Variants in NAV2 observed in about 807,000 individuals in gnomAD.
The protein encoded by NAV2 is neuron navigator 2.
In NAV2, 54 loss-of-function variants were observed where a neutral mutation model predicts 223.2. That is an observed-to-expected ratio of 0.24 (90% CI 0.19 to 0.30). The LOEUF (loss-of-function observed/expected upper bound fraction) is 0.30, where lower values mean the gene tolerates loss of function less well. Among genes scored for constraint, NAV2 ranks in the 10% least tolerant of loss-of-function variants. The probability of loss-of-function intolerance (pLI) is 1.00; values close to 1 mark genes in which losing one functional copy is unlikely to be tolerated. For missense variants in NAV2, 2,806 were observed against 3,147.5 expected, an observed-to-expected ratio of 0.89 and a Z score of 2.60; for synonymous variants, 1,279 against 1,239.3, an observed-to-expected ratio of 1.03 and a Z score of -0.67.
At chr11:19,528,074 C>A (rs2043901679) in intron 1 of NAV2, among the ~76,000 whole-genome samples, 1 of 152,188 alleles carries the variant, frequency 6.6e-6, no homozygotes, top group Non-Finnish European at 1.5e-5. Flanking sequence ...ACGTTCCCTG[C>A]TGTGTGGTAC....
At chr11:19,803,785 GTTC>G (rs1467041607) in intron 1 of NAV2, among the ~76,000 whole-genome samples, 16 of 152,330 alleles carry the variant, frequency 1.1e-4, no homozygotes, top group African/African-American at 3.8e-4. Context: ...AGCAGAACCA[GTTC>G]TTCTACCTGA....
intron 19 of NAV2, among the ~76,000 whole-genome samples, chr11:20,060,398 C>G (rs567291397): frequency 1.3e-4 from 20 of 152,360 alleles, no homozygotes; most frequent in African/African-American, 4.6e-4. Context: ...TTAAAGGCCT[C>G]TGTTAATGTG....
At position 20,090,946 on chromosome 11, in the gene NAV2, G is replaced by C. The variant is rs1837971; in HGVS notation, c.5580G>C (p.Thr1860=). The C allele has an allele frequency of 6.2e-7, 1 of 1,613,660 alleles. No individual in the cohort carries two copies. Among genetic ancestry groups the C allele is most frequent in the Non-Finnish European group, 8.5e-7 (1 of 1,179,812 alleles). ...TAAGAGACAAGGAGATGAAGCTGAC[G>C]GATATCCGCTTAGAAGCTCTCAGTT... ...NELRDKEMKL[T]DIRLEALSSA... is the part of the protein sequence containing the mutation. Residue 1860 remains threonine, a synonymous_variant, in exon 27 of 38, where the codon ACG becomes ACC. Transcript: ENST00000349880.
chr11:20,001,288 A>G (rs1313168887), intron 11 of NAV2, among the ~76,000 whole-genome samples: 13 of 152,090 alleles, frequency 8.5e-5, no homozygotes, highest in Non-Finnish European at 1.6e-4. Flanking sequence ...AGGGCTCCCA[A>G]AGGACCCCGT....
At chr11:19,589,698 AG>A (rs1387876360) in intron 1 of NAV2, among the ~76,000 whole-genome samples, 1 of 152,206 alleles carries the variant, frequency 6.6e-6, no homozygotes, top group African/African-American at 2.4e-5. Context: ...AGAGAGCCAC[AG>A]CCCCTTTCAG....
intron 3 of NAV2, among the ~76,000 whole-genome samples, chr11:19,862,294 T>A (rs2061837255): frequency 6.6e-6 from 1 of 152,194 alleles, no homozygotes; most frequent in African/African-American, 2.4e-5. Flanking sequence ...ACTGCCAAAT[T>A]AAAGGCAGGA....
chr11:19,415,444 A>G (rs558183277), intron 1 of NAV2, among the ~76,000 whole-genome samples: 1 of 152,218 alleles, frequency 6.6e-6, no homozygotes, highest in Non-Finnish European at 1.5e-5. Context: ...AAATTGAGGC[A>G]GTAATTAATA....
chr11:19,654,720 C>T (rs928685492), intron 1 of NAV2, among the ~76,000 whole-genome samples: 17 of 152,168 alleles, frequency 1.1e-4, no homozygotes, highest in Non-Finnish European at 2.1e-4. Flanking sequence ...CCCTTCCTTA[C>T]GCCTTATACA....
intron 1 of NAV2, among the ~76,000 whole-genome samples, chr11:19,409,710 C>T (rs1204930644): frequency 4.6e-5 from 7 of 152,164 alleles, no homozygotes; most frequent in Admixed American, 1.3e-4. Context: ...ATTTAGTTCT[C>T]TCCAAAACTC....
At chr11:19,821,124 T>C (rs992036699) in intron 1 of NAV2, among the ~76,000 whole-genome samples, 5 of 152,040 alleles carry the variant, frequency 3.3e-5, no homozygotes, top group African/African-American at 1.2e-4. Flanking sequence ...TACCCAGGCG[T>C]GGTGGCAGGC....
intron 1 of NAV2, among the ~76,000 whole-genome samples, chr11:19,626,201 G>T (rs1028177989): frequency 6.6e-6 from 1 of 152,112 alleles, no homozygotes; most frequent in Non-Finnish European, 1.5e-5. Context: ...ATTTTGAGTT[G>T]ATTTTAGTAT....
chr11:20,066,768 AATT>A (rs2059068721), intron 20 of NAV2, among the ~76,000 whole-genome samples: 5 of 152,182 alleles, frequency 3.3e-5, no homozygotes, highest in Non-Finnish European at 4.4e-5. Flanking sequence ...TGCCTAGTAA[AATT>A]GGATTAGGAC....
At chr11:19,669,589 G>A (rs966923629) in intron 1 of NAV2, among the ~76,000 whole-genome samples, 7 of 152,248 alleles carry the variant, frequency 4.6e-5, no homozygotes, top group Admixed American at 6.5e-5. Flanking sequence ...GTTAGGCATT[G>A]GGTACCATGG....
intron 1 of NAV2, among the ~76,000 whole-genome samples, chr11:19,612,378 T>C (rs1314542137): frequency 2.0e-5 from 3 of 152,216 alleles, no homozygotes; most frequent in Non-Finnish European, 2.9e-5. Context: ...CTTGAATCTC[T>C]CCCCAGACAG....
Position 20,067,102 on chromosome 11 carries a change from G to A in NAV2, c.4885-1084G>A, listed in dbSNP as rs1019759039. On this transcript the variant is annotated intron_variant, in intron 20 of 37. Coordinates refer to ENST00000349880, the MANE Select transcript of NAV2 (RefSeq NM_145117.5). ...AGCCAGCATGTAAGGGACAAAGAGG[G>A]AAGCCAGTAAGAGGGGCAGCAGAGT... is the stretch of plus-strand genomic sequence containing the variant. Among the ~76,000 whole-genome samples, 10 of 152,338 alleles carry A rather than the reference G, an allele frequency of 6.6e-5. 1 individual carries two copies. Among genetic ancestry groups the A allele is most frequent in the African/African-American group, 2.2e-4 (9 of 41,580 alleles).
intron 1 of NAV2, among the ~76,000 whole-genome samples, chr11:19,455,260 C>T (rs1851921770): frequency 6.6e-6 from 1 of 152,102 alleles, no homozygotes; most frequent in Admixed American, 6.5e-5. Context: ...TATTTATTTA[C>T]AAAAATGTTT....
chr11:20,104,874 A>T (rs555371442), intron 34 of NAV2: 2 of 152,228 alleles, frequency 1.3e-5, no homozygotes, highest in Non-Finnish European at 2.9e-5. Context: ...AACCTCTGGT[A>T]GTTTCCCCAA....
At chr11:19,937,106 C>T (rs1591324195) in intron 7 of NAV2, among the ~76,000 whole-genome samples, 4 of 152,254 alleles carry the variant, frequency 2.6e-5, no homozygotes. Context: ...CCACTGCACA[C>T]CAGCCTGGGC....
chr11:20,016,342 T>G (rs2153521762), intron 11 of NAV2, among the ~76,000 whole-genome samples: 1 of 152,334 alleles, frequency 6.6e-6, no homozygotes, highest in South Asian at 2.1e-4. Flanking sequence ...AACAATCAGC[T>G]GGTTTCAGAT....
Sources: gnomAD v4.1 joint callset for allele counts (sites outside exome capture counted in the v4.1 genomes callset) on GRCh38, gnomAD v4.1.1 for gene constraint, MANE v1.5 for transcripts, NCBI Gene and HGNC (gene_info 2026-07-23, HGNC 2026-07-21) for gene names.